SCN8A: variants seen among roughly 807,000 people sequenced by gnomAD.
SCN8A encodes sodium voltage-gated channel alpha subunit 8, also known as sodium channel protein type 8 subunit alpha.
In SCN8A, 30 loss-of-function variants were observed where a neutral mutation model predicts 184.1. The observed-to-expected ratio is 0.16, with a 90% CI of 0.12 to 0.22. The LOEUF is 0.22. SCN8A is among the 10% of genes least tolerant of loss of function. The pLI is 1.00. For synonymous variants in SCN8A, 852 were observed against 907.0 expected (o/e 0.94, Z 1.09); for missense variants, 1,057 against 2,498.9 (o/e 0.42, Z 12.30).
At chr12:51,707,662 G>T (rs1227064563) in intron 11 of SCN8A, among the ~76,000 whole-genome samples, 1 of 152,086 alleles carries the variant, frequency 6.6e-6, no homozygotes, top group Non-Finnish European at 1.5e-5. Flanking sequence ...TCAATATTTT[G>T]CATCCTTCAG....
intron 16 of SCN8A, chr12:51,766,261 G>T: frequency 1.8e-6 from 1 of 562,186 alleles, no homozygotes; most frequent in South Asian, 2.3e-5. Context: ...CTAGAGTTAG[G>T]AAAGCAAACT....
chr12:51,803,822 T>A (rs1338144129), intron 26 of SCN8A, among the ~76,000 whole-genome samples: 1 of 152,114 alleles, frequency 6.6e-6, no homozygotes, highest in Non-Finnish European at 1.5e-5. Flanking sequence ...GGCTCAAATA[T>A]CCCATGGAAT....
intron 1 of SCN8A, among the ~76,000 whole-genome samples, chr12:51,608,469 G>C (rs1661341653): frequency 6.6e-6 from 1 of 152,036 alleles, no homozygotes; most frequent in African/African-American, 2.4e-5. Flanking sequence ...TAAGCTAGGA[G>C]GGTTGTATTT....
intron 12 of SCN8A, among the ~76,000 whole-genome samples, chr12:51,735,250 G>A (rs746829574): frequency 1.6e-4 from 25 of 152,282 alleles, no homozygotes; most frequent in Non-Finnish European, 3.5e-4. Context: ...GCCATGGCAC[G>A]CAGACTGAGA....
chr12:51,765,650 T>G, intron 15 of SCN8A, 21 bp from the exon 16 acceptor site: 1 of 1,299,912 alleles, frequency 7.7e-7, no homozygotes, highest in Non-Finnish European at 1.0e-6. Flanking sequence ...ATTTTTTTGT[T>G]TGGGTTTTTT....
At chr12:51,691,337 G>A (rs888166244) in intron 6 of SCN8A, among the ~76,000 whole-genome samples, 1 of 152,002 alleles carries the variant, frequency 6.6e-6, no homozygotes, top group Admixed American at 6.5e-5. Flanking sequence ...CTGCTATATG[G>A]TTAACTTTTG....
chr12:51,758,280 C>G (rs303772), intron 14 of SCN8A, among the ~76,000 whole-genome samples: 132,504 of 152,254 alleles, frequency 0.87, 57,877 homozygotes, highest in East Asian at 0.98. Flanking sequence ...AACATAGCAA[C>G]ACCCTATCTG....
intron 1 of SCN8A, among the ~76,000 whole-genome samples, chr12:51,624,624 C>T (rs2138603330): frequency 6.6e-6 from 1 of 152,084 alleles, no homozygotes; most frequent in Non-Finnish European, 1.5e-5. Context: ...TAATTAGATC[C>T]CATTTGTCAA....
chr12:51,679,159 T>C (rs922203331), intron 2 of SCN8A, among the ~76,000 whole-genome samples: 3 of 151,830 alleles, frequency 2.0e-5, no homozygotes, highest in African/African-American at 7.3e-5. Flanking sequence ...TCCCAGCACT[T>C]TGGGAGGTCA....
At chr12:51,665,555 A>G (rs1191461499) in intron 2 of SCN8A, among the ~76,000 whole-genome samples, 2 of 152,228 alleles carry the variant, frequency 1.3e-5, no homozygotes, top group African/African-American at 2.4e-5. Flanking sequence ...GTACTTTTAA[A>G]TGAAGGATAT....
At chr12:51,793,660 T>C (rs1464218983) in intron 25 of SCN8A, among the ~76,000 whole-genome samples, 1 of 152,036 alleles carries the variant, frequency 6.6e-6, no homozygotes, top group African/African-American at 2.4e-5. Flanking sequence ...CCAGAGTGTG[T>C]GGTGTCACAG....
At position 51,745,995 on chromosome 12, in the gene SCN8A, C is replaced by T; in HGVS notation, c.2091C>T (p.Ile697=). ...QLASYGRKDR[I]NSIMSVVTNT... ...CCTCCTACGGGCGGAAGGACAGAATCAACAGTATAATGAGTGTTGTTACAA... is the reference window on the plus strand; with the variant it reads ...CCTCCTACGGGCGGAAGGACAGAATTAACAGTATAATGAGTGTTGTTACAA... Residue 697 remains isoleucine, a synonymous_variant, in exon 13 of 27, where the codon ATC becomes ATT. Transcript: ENST00000627620. 6.2e-7 allele frequency: 1 copy of T among 1,611,718 alleles called. No individual in the cohort carries two copies. Among genetic ancestry groups the T allele is most frequent in the Non-Finnish European group, 8.5e-7 (1 of 1,178,892 alleles).
chr12:51,616,943 T>C (rs1939853907), intron 1 of SCN8A, among the ~76,000 whole-genome samples: 1 of 152,102 alleles, frequency 6.6e-6, no homozygotes, highest in African/African-American at 2.4e-5. Flanking sequence ...AGTTTTACTG[T>C]CTTTTGTTAT....
intron 12 of SCN8A, chr12:51,722,900 A>G (rs1463094040): frequency 1.3e-5 from 2 of 152,196 alleles, no homozygotes; most frequent in Non-Finnish European, 2.9e-5. Context: ...TTATTTTAAA[A>G]TTCTTATAAC....
intron 1 of SCN8A, among the ~76,000 whole-genome samples, chr12:51,644,807 C>A (rs1216800635): frequency 1.3e-5 from 2 of 151,886 alleles, no homozygotes; most frequent in Non-Finnish European, 2.9e-5. Context: ...TCTTCCCGGC[C>A]GCCATCACAT....
intron 12 of SCN8A, among the ~76,000 whole-genome samples, chr12:51,733,801 G>C (rs570082352): frequency 8.5e-5 from 13 of 152,210 alleles, no homozygotes; most frequent in Admixed American, 7.2e-4. Context: ...GTTTTGGTAG[G>C]TTGAATGTGT....
intron 13 of SCN8A, among the ~76,000 whole-genome samples, chr12:51,748,417 A>G (rs1444652653): frequency 3.9e-5 from 6 of 152,236 alleles, no homozygotes; most frequent in African/African-American, 1.2e-4. Flanking sequence ...GCTTACCAGG[A>G]TCCAGCACAT....
intron 9 of SCN8A, among the ~76,000 whole-genome samples, chr12:51,704,009 C>G (rs1196781344): frequency 1.3e-5 from 2 of 152,052 alleles, no homozygotes; most frequent in African/African-American, 4.8e-5. Context: ...TCTCCTGCCT[C>G]AGCCTCCCGA....
rs370611202 is a variant in SCN8A at position 51,604,087 on chromosome 12, A to G, written c.-55+12728A>G. Among the ~76,000 whole-genome samples, 17 of 152,070 alleles carry G rather than the reference A, an allele frequency of 1.1e-4. No individual in the cohort carries two copies. In the East Asian group the frequency reaches 1.7e-3, roughly 16 times the overall value. On this transcript the variant is annotated intron_variant, in intron 1 of 26. Transcript: ENST00000627620. ...AATTTTGATTTAGTCCAATTTGTCA[A>G]TTTTTTTCATTTATGGGTCACGTTT... is the stretch of plus-strand genomic sequence containing the variant.
Sources: gnomAD v4.1 joint callset for allele counts (sites outside exome capture counted in the v4.1 genomes callset) on GRCh38, gnomAD v4.1.1 for gene constraint, MANE v1.5 for transcripts, NCBI Gene and HGNC (gene_info 2026-07-23, HGNC 2026-07-21) for gene names.